The following MLLT10 variants were observed in gnomAD, a reference collection of about 807,000 sequenced individuals.
MLLT10 encodes the protein protein AF-10.
In MLLT10, 30 loss-of-function variants were observed where a neutral mutation model predicts 129.1. That is an observed-to-expected ratio of 0.23 (90% CI 0.17 to 0.32). The LOEUF (loss-of-function observed/expected upper bound fraction) is 0.32. MLLT10 is among the 10% of genes least tolerant of loss of function. The probability of loss-of-function intolerance (pLI) is 1.00; values close to 1 mark genes in which losing one functional copy is unlikely to be tolerated. For synonymous variants in MLLT10, 490 were observed against 446.4 expected, an observed-to-expected ratio of 1.10 and a Z score of -1.23; for missense variants, 1,119 against 1,268.3, an observed-to-expected ratio of 0.88 and a Z score of 1.79.
chr10:21,538,782 T>C, intron 2 of MLLT10, 51 bp from the exon 3 acceptor site: 1 of 1,394,288 alleles, frequency 7.2e-7, no homozygotes, highest in Non-Finnish European at 1.0e-6. Context: ...TATTTGATTT[T>C]TCCATAGTTC....
At chr10:21,601,030 A>G (rs1350024338) in intron 5 of MLLT10, among the ~76,000 whole-genome samples, 2 of 151,888 alleles carry the variant, frequency 1.3e-5, no homozygotes, top group Non-Finnish European at 2.9e-5. Context: ...TGTAGCTTCT[A>G]CTTCCCAGCC....
chr10:21,644,979 G>C (rs2048343356), intron 8 of MLLT10, among the ~76,000 whole-genome samples: 1 of 152,116 alleles, frequency 6.6e-6, no homozygotes, highest in South Asian at 2.1e-4. Context: ...TTTACTTCCA[G>C]TTAGCACCTC....
At chr10:21,727,814 A>G in intron 15 of MLLT10, 42 bp from the exon 16 acceptor site, 1 of 1,497,380 alleles carries the variant, frequency 6.7e-7, no homozygotes, top group Middle Eastern at 1.7e-4. Context: ...CCTCTTATCT[A>G]GTGAGAGTCA....
chr10:21,548,143 G>A (rs893487634), intron 3 of MLLT10, among the ~76,000 whole-genome samples: 15 of 151,926 alleles, frequency 9.9e-5, no homozygotes, highest in Non-Finnish European at 1.6e-4. Flanking sequence ...TTGTCTTCTG[G>A]TGTCTGTTGG....
intron 13 of MLLT10, among the ~76,000 whole-genome samples, chr10:21,711,532 G>C (rs1210957208): frequency 1.3e-5 from 2 of 148,558 alleles, no homozygotes; most frequent in East Asian, 4.0e-4. Flanking sequence ...AAATCAGCCT[G>C]TCAGCATAGT....
chr10:21,655,587 C>T (rs1361268988), intron 9 of MLLT10, among the ~76,000 whole-genome samples: 1 of 152,116 alleles, frequency 6.6e-6, no homozygotes, highest in African/African-American at 2.4e-5. Context: ...TATACAAAAA[C>T]AGGTGGATGA....
rs528933918 is a variant in MLLT10, at chr10:21,569,499, C to T, written c.241-16795C>T. On this transcript the variant is annotated intron_variant, in intron 3 of 22. Coordinates refer to ENST00000307729, the MANE Select transcript of MLLT10 (RefSeq NM_001195626.3). Reference sequence around the variant, plus strand: ...GCAGTGGCGTGATCTCGGCTCACTGCAAACTCCACCTCCTGGGTTCAAGCG... The same window carrying T: ...GCAGTGGCGTGATCTCGGCTCACTGTAAACTCCACCTCCTGGGTTCAAGCG... Among the ~76,000 whole-genome samples, 4 of 151,022 alleles carry T rather than the reference C, an allele frequency of 2.6e-5. No homozygotes were observed. The South Asian group carries it at 8.4e-4, about 32-fold the overall frequency.
At chr10:21,656,615 C>T (rs1418825057) in intron 9 of MLLT10, among the ~76,000 whole-genome samples, 1 of 151,990 alleles carries the variant, frequency 6.6e-6, no homozygotes, top group Admixed American at 6.6e-5. Flanking sequence ...AACCTTTAAC[C>T]CTTTTGCATA....
chr10:21,566,887 C>A (rs1033823164), intron 3 of MLLT10, among the ~76,000 whole-genome samples: 1 of 151,986 alleles, frequency 6.6e-6, no homozygotes, highest in Non-Finnish European at 1.5e-5. Flanking sequence ...GATCTCGGCT[C>A]ACCTCAACCT....
chr10:21,592,609 A>G (rs2042617270), intron 4 of MLLT10, among the ~76,000 whole-genome samples: 1 of 151,990 alleles, frequency 6.6e-6, no homozygotes, highest in Admixed American at 6.5e-5. Context: ...GGCGCCTGCC[A>G]CCTTGCCCGG....
At chr10:21,546,182 A>T (rs1002615276) in intron 3 of MLLT10, among the ~76,000 whole-genome samples, 1 of 150,352 alleles carries the variant, frequency 6.7e-6, no homozygotes, top group Non-Finnish European at 1.5e-5. Flanking sequence ...GGTTCCAGTG[A>T]TTCTTGTGTT....
intron 8 of MLLT10, among the ~76,000 whole-genome samples, chr10:21,621,607 C>T (rs1199974207): frequency 6.8e-6 from 1 of 146,498 alleles, no homozygotes; most frequent in Non-Finnish European, 1.5e-5. Flanking sequence ...CCGACCTCCG[C>T]CCCCCCCACC....
intron 3 of MLLT10, among the ~76,000 whole-genome samples, chr10:21,560,015 T>A (rs2038603052): frequency 6.6e-6 from 1 of 152,178 alleles, no homozygotes; most frequent in Admixed American, 6.6e-5. Context: ...TTTGGCTTTT[T>A]TTTTCCTGAG....
chr10:21,735,303 TAC>T (rs2058272061), intron 21 of MLLT10, 68 bp downstream of exon 21: 1 of 1,276,452 alleles, frequency 7.8e-7, no homozygotes, highest in African/African-American at 1.5e-5. Context: ...TCACTGTGGG[TAC>T]AGATTTCTCC....
chr10:21,554,966 C>T (rs182786621), intron 3 of MLLT10, among the ~76,000 whole-genome samples: 14 of 151,764 alleles, frequency 9.2e-5, no homozygotes, highest in East Asian at 5.9e-4. Flanking sequence ...GGATGACAGG[C>T]GCACGCCACC....
At chr10:21,678,251 C>T (rs572166937) in intron 11 of MLLT10, among the ~76,000 whole-genome samples, 5 of 151,992 alleles carry the variant, frequency 3.3e-5, no homozygotes, top group Admixed American at 6.6e-5. Flanking sequence ...ACTACAGGTG[C>T]GCGCCACCAC....
intron 8 of MLLT10, among the ~76,000 whole-genome samples, chr10:21,632,570 A>G (rs997821904): frequency 1.1e-4 from 17 of 152,236 alleles, no homozygotes; most frequent in Non-Finnish European, 2.4e-4. Context: ...TCGAGACACC[A>G]TGCTCAATCC....
chr10:21,643,799 A>G (rs536157359), intron 8 of MLLT10, among the ~76,000 whole-genome samples: 2 of 151,702 alleles, frequency 1.3e-5, no homozygotes, highest in East Asian at 1.9e-4. Context: ...TTCCATTTTC[A>G]TTTTGTGGAA....
intron 8 of MLLT10, among the ~76,000 whole-genome samples, chr10:21,638,538 G>A (rs1359783687): frequency 1.3e-5 from 2 of 152,002 alleles, no homozygotes; most frequent in Non-Finnish European, 2.9e-5. Context: ...ATCCAACAGA[G>A]TCTTAAAAAC....
Sources: gnomAD v4.1 joint callset for allele counts (sites outside exome capture counted in the v4.1 genomes callset) on GRCh38, gnomAD v4.1.1 for gene constraint, MANE v1.5 for transcripts, NCBI Gene and HGNC (gene_info 2026-07-23, HGNC 2026-07-21) for gene names.